DENND1A: variants seen among roughly 807,000 people sequenced by gnomAD.
DENND1A encodes the protein DENN domain containing 1A, also known as DENN domain-containing protein 1A.
In DENND1A, 51 loss-of-function variants were observed where a neutral mutation model predicts 113.7. The ratio of observed to expected loss-of-function variants is 0.45; its 90% confidence interval spans 0.36 to 0.57. The LOEUF (loss-of-function observed/expected upper bound fraction) is 0.57. Ranked by LOEUF, DENND1A falls within the 20% of genes least tolerant of loss-of-function variation. DENND1A has a pLI of 0.00. For synonymous variants in DENND1A, 565 were observed against 570.8 expected, an observed-to-expected ratio of 0.99 and a Z score of 0.14; for missense variants, 1,258 against 1,395.9, an observed-to-expected ratio of 0.90 and a Z score of 1.57.
rs762433414 is a variant in DENND1A, at chr9:123,757,734, A to T, written c.271T>A (p.Ser91Thr). 2 of 1,614,086 alleles carry T rather than the reference A, an allele frequency of 1.2e-6. No homozygotes were observed. Among genetic ancestry groups the T allele is most frequent in the Non-Finnish European group, 1.7e-6 (2 of 1,179,986 alleles). Residue 91 changes from serine to threonine, a missense_variant, in exon 5 of 24, where the codon TCA (serine) becomes ACA (threonine). By Grantham distance (58) the Ser-to-Thr change is moderately conservative. Coordinates refer to ENST00000394215, the MANE Select transcript of DENND1A (RefSeq NM_001352964.2). Reference protein sequence around the residue: ...KQRFGFCRLSSGAKSCFCILS... With the variant: ...KQRFGFCRLSTGAKSCFCILS... ...ATACAGAAGCAGCTCTTCGCTCCTGAAGATAAGCGGCAGAACCCGAATCTC... is the reference window on the plus strand; with the variant it reads ...ATACAGAAGCAGCTCTTCGCTCCTGTAGATAAGCGGCAGAACCCGAATCTC...
intron 5 of DENND1A, among the ~76,000 whole-genome samples, chr9:123,688,540 C>A (rs1036067100): frequency 6.6e-6 from 1 of 152,118 alleles, no homozygotes; most frequent in Non-Finnish European, 1.5e-5. Flanking sequence ...AGGCAACAGG[C>A]GCAGAGCTTG....
chr9:123,912,580 G>A (rs1248195032), intron 1 of DENND1A, among the ~76,000 whole-genome samples: 4 of 152,172 alleles, frequency 2.6e-5, no homozygotes, highest in African/African-American at 9.7e-5. Flanking sequence ...AGAAAGCCTA[G>A]GTTTCTGGGC....
At chr9:123,822,125 C>T (rs1484596720) in intron 2 of DENND1A, among the ~76,000 whole-genome samples, 1 of 152,172 alleles carries the variant, frequency 6.6e-6, no homozygotes, top group East Asian at 1.9e-4. Flanking sequence ...TCTATGTCCC[C>T]ATATATAATC....
In DENND1A at chr9:123,381,667, C is replaced by T. The variant is rs2042275722; in HGVS notation, c.2978G>A (p.Arg993Lys). The change falls in exon 24 of 24, where the codon AGG becomes AAG. Residue 993 changes from arginine (R) to lysine (K), a missense_variant. Physicochemically the swap from Arg to Lys is conservative, Grantham distance 26. Transcript: ENST00000394215. The surrounding 1 kb of genome is among the most constrained non-coding windows in gnomAD (Gnocchi z 4.7). ...RTLPLARSSA[R>K]AAETKQGLAL... is the part of the protein sequence containing the mutation. ...CAGCCCCTGCTTGGTCTCAGCAGCC[C>T]TGGCACTTGAGCGGGCCAGGGGCAA... is the stretch of plus-strand genomic sequence containing the variant. 9 of 1,599,338 alleles carry T rather than the reference C, an allele frequency of 5.6e-6. No individual in the cohort carries two copies. In the African/African-American group the frequency reaches 9.4e-5, roughly 17 times the overall value.
chr9:123,413,902 C>T (rs1236451113), intron 19 of DENND1A: 1 of 985,540 alleles, frequency 1.0e-6, no homozygotes, highest in Non-Finnish European at 1.2e-6. Flanking sequence ...ACCCCCTCCA[C>T]CGGTGCACAG....
At chr9:123,757,921 T>C (rs2070708821) in intron 4 of DENND1A, 99 bp from the exon 5 acceptor site, 1 of 1,412,378 alleles carries the variant, frequency 7.1e-7, no homozygotes, top group African/African-American at 1.5e-5. Context: ...ACATTTCCTC[T>C]CTCAGTGGAA....
chr9:123,595,466 T>G (rs1283021386), intron 11 of DENND1A, among the ~76,000 whole-genome samples: 1 of 151,878 alleles, frequency 6.6e-6, no homozygotes, highest in Non-Finnish European at 1.5e-5. Flanking sequence ...CTCAAGGGGC[T>G]CCCCGCCTCT....
chr9:123,889,476 T>C (rs1849589689), intron 1 of DENND1A, among the ~76,000 whole-genome samples: 1 of 152,092 alleles, frequency 6.6e-6, no homozygotes, highest in Non-Finnish European at 1.5e-5. Context: ...TCAAAACCAT[T>C]AGGCTTTCAA....
At chr9:123,613,071 G>A (rs1394989802) in intron 10 of DENND1A, among the ~76,000 whole-genome samples, 3 of 148,648 alleles carry the variant, frequency 2.0e-5, no homozygotes, top group Non-Finnish European at 3.0e-5. Flanking sequence ...AATGGGAGGT[G>A]CTTGACAGGC....
chr9:123,441,920 G>A (rs1470024605), intron 18 of DENND1A, among the ~76,000 whole-genome samples: 1 of 152,096 alleles, frequency 6.6e-6, no homozygotes, highest in Non-Finnish European at 1.5e-5. Flanking sequence ...GAGAATGGTG[G>A]GACATGGAGG....
At chr9:123,612,680 A>C (rs1055700102) in intron 10 of DENND1A, among the ~76,000 whole-genome samples, 2 of 152,338 alleles carry the variant, frequency 1.3e-5, no homozygotes, top group African/African-American at 4.8e-5. Context: ...AGTTGCTTCC[A>C]ATTTTCTATA....
intron 10 of DENND1A, among the ~76,000 whole-genome samples, chr9:123,625,957 T>C (rs371844215): frequency 3.3e-5 from 5 of 152,128 alleles, no homozygotes; most frequent in African/African-American, 9.7e-5. Flanking sequence ...AGTGGCTCAA[T>C]TGCGGCTCAC....
At chr9:123,923,990 T>C (rs1208581813) in intron 1 of DENND1A, among the ~76,000 whole-genome samples, 2 of 152,186 alleles carry the variant, frequency 1.3e-5, no homozygotes, top group Admixed American at 1.3e-4. Flanking sequence ...GCAACATCAT[T>C]CATAATGATG....
At chr9:123,747,404 C>T (rs2069606860) in intron 5 of DENND1A, among the ~76,000 whole-genome samples, 1 of 152,004 alleles carries the variant, frequency 6.6e-6, no homozygotes. Flanking sequence ...ATAAATGATG[C>T]CTCTCAGAAT....
Position 123,542,265 on chromosome 9 carries a change from C to T in DENND1A, c.993+15305G>A, listed in dbSNP as rs544340506. Among the ~76,000 whole-genome samples, 17 of 152,230 alleles carry T rather than the reference C, an allele frequency of 1.1e-4. 1 individual carries two copies. The East Asian group carries it at 1.7e-3, about 16-fold the overall frequency. ...TGTCAAGGAAGCTCTATGAAGGTAT[C>T]GTTTAAGTCGAGATTCCCTTACCTA... On this transcript the variant is annotated intron_variant, in intron 13 of 23. Transcript: ENST00000394215.
chr9:123,383,752 A>G lies in DENND1A; in HGVS notation c.1922T>C (p.Met641Thr). Residue 641 changes from methionine to threonine, a missense_variant, in exon 23 of 24, where the codon ATG becomes ACG. This residue lies in a region of DENND1A where 1,159 missense variants were observed against 1,231.7 expected (regional missense o/e 0.94). Coordinates refer to ENST00000394215, the MANE Select transcript of DENND1A (RefSeq NM_001352964.2). Reference protein sequence around the residue: ...LLEDVFSNLDMEAALQPLGQA... With the variant: ...LLEDVFSNLDTEAALQPLGQA... The stretch of plus-strand genomic sequence containing the variant: ...GCCCAGTGGCTGCAGTGCGGCCTCC[A>G]TGTCCAGGTTGCTGAAGACGTCTTC... 1.2e-6 allele frequency: 2 copies of G among 1,614,092 alleles called. No individual in the cohort carries two copies. Among genetic ancestry groups the G allele is most frequent in the Non-Finnish European group, 1.7e-6 (2 of 1,180,024 alleles).
intron 16 of DENND1A, 80 bp from the exon 17 acceptor site, chr9:123,452,427 G>A (rs991333446): frequency 2.8e-5 from 32 of 1,136,762 alleles, no homozygotes; most frequent in Non-Finnish European, 3.6e-5. Context: ...CTCTTCAATC[G>A]AGTTAAGCAA....
rs148961756 is a variant in DENND1A, at chr9:123,853,438, C to T, written c.88+25513G>A. Among the ~76,000 whole-genome samples, 844 of 151,380 alleles carry T rather than the reference C, an allele frequency of 5.6e-3. 6 individuals carry two copies. Among genetic ancestry groups the T allele is most frequent in the African/African-American group, 0.019 (799 of 41,320 alleles). ...CAGCACTTTGGGAGGGTGAGGTAGG[C>T]GGATGACTTGAGTTCAGGAGTTCGA... On this transcript the variant is annotated intron_variant, in intron 2 of 23. Transcript: ENST00000394215.
intron 2 of DENND1A, among the ~76,000 whole-genome samples, chr9:123,809,230 A>G (rs2132408417): frequency 6.6e-6 from 1 of 152,336 alleles, no homozygotes; most frequent in Non-Finnish European, 1.5e-5. Flanking sequence ...GCCTAGAACA[A>G]TATTAGACTC....
Sources: allele counts gnomAD v4.1 joint callset (sites outside exome capture counted in the v4.1 genomes callset), GRCh38; gene constraint gnomAD v4.1.1; regional missense constraint gnomAD v4.1.1; non-coding constraint Gnocchi (gnomAD v3.1); transcripts MANE v1.5; gene names NCBI Gene and HGNC (gene_info 2026-07-23, HGNC 2026-07-21).